The following CHST8 variants were observed in gnomAD, a reference collection of about 807,000 sequenced individuals.
CHST8 encodes the protein carbohydrate sulfotransferase 8.
A neutral mutation model predicts 15.0 loss-of-function variants in CHST8; 10 were observed. The ratio of observed to expected loss-of-function variants is 0.67; its 90% confidence interval spans 0.41 to 1.13. The LOEUF (loss-of-function observed/expected upper bound fraction) is 1.13. Among genes scored for constraint, CHST8 ranks in the 50% most tolerant of loss-of-function variants. The probability of loss-of-function intolerance (pLI) is 0.00; values close to 1 mark genes in which losing one functional copy is unlikely to be tolerated. For synonymous variants in CHST8, 259 were observed against 256.6 expected, an observed-to-expected ratio of 1.01 and a Z score of -0.09; for missense variants, 634 against 608.2, an observed-to-expected ratio of 1.04 and a Z score of -0.45.
At chr19:33,662,902 C>T (rs921822958) in intron 1 of CHST8, among the ~76,000 whole-genome samples, 26 of 152,152 alleles carry the variant, frequency 1.7e-4, no homozygotes, top group African/African-American at 5.8e-4. Flanking sequence ...TTTTAAAAGT[C>T]AAGCTTCTGA....
chr19:33,739,316 C>T (rs1369756895), intron 3 of CHST8, among the ~76,000 whole-genome samples: 1 of 152,160 alleles, frequency 6.6e-6, no homozygotes, highest in Non-Finnish European at 1.5e-5. Context: ...TAGCTCCACT[C>T]CCCCAGCACA....
intron 1 of CHST8, among the ~76,000 whole-genome samples, chr19:33,637,951 AG>A (rs1259009718): frequency 1.3e-5 from 2 of 151,614 alleles, no homozygotes; most frequent in Non-Finnish European, 2.9e-5. Flanking sequence ...CCTTCCTAAC[AG>A]ATTCTCCAAG....
intron 3 of CHST8, among the ~76,000 whole-genome samples, chr19:33,720,735 G>A (rs1037063499): frequency 1.3e-5 from 2 of 152,276 alleles, no homozygotes; most frequent in Non-Finnish European, 2.9e-5. Flanking sequence ...GCAGGCAGTG[G>A]TATGCAGTGT....
chr19:33,712,687 C>T (rs998859551), intron 3 of CHST8, among the ~76,000 whole-genome samples: 9 of 152,156 alleles, frequency 5.9e-5, no homozygotes, highest in African/African-American at 1.4e-4. Context: ...TGCACTGCAG[C>T]GGCAGACTGT....
intron 1 of CHST8, among the ~76,000 whole-genome samples, chr19:33,641,442 G>A (rs1027197034): frequency 6.6e-6 from 1 of 152,192 alleles, no homozygotes; most frequent in Non-Finnish European, 1.5e-5. Flanking sequence ...AGGAGCAGCA[G>A]GGTTAAGGGC....
intron 3 of CHST8, among the ~76,000 whole-genome samples, chr19:33,740,118 A>G (rs1162914156): frequency 6.6e-6 from 1 of 152,204 alleles, no homozygotes; most frequent in Non-Finnish European, 1.5e-5. Flanking sequence ...TGCAAATACG[A>G]GGCTATGCTA....
intron 2 of CHST8, among the ~76,000 whole-genome samples, chr19:33,681,462 G>A (rs1032239114): frequency 2.0e-5 from 3 of 152,168 alleles, no homozygotes; most frequent in Non-Finnish European, 4.4e-5. Flanking sequence ...TTCCTAGAGT[G>A]TAGAACTCTG....
intron 3 of CHST8, among the ~76,000 whole-genome samples, chr19:33,714,122 C>G (rs1023086935): frequency 1.3e-5 from 2 of 152,108 alleles, no homozygotes; most frequent in African/African-American, 4.8e-5. Context: ...GTAAAACTAC[C>G]ATTTGATCCC....
intron 1 of CHST8, among the ~76,000 whole-genome samples, chr19:33,664,110 G>T (rs1352663892): frequency 1.3e-5 from 2 of 152,070 alleles, no homozygotes; most frequent in African/African-American, 4.8e-5. Flanking sequence ...GTTCGGAGTG[G>T]ACTGGATTGG....
chr19:33,707,265 G>A (rs1331280556), intron 3 of CHST8, among the ~76,000 whole-genome samples: 1 of 152,130 alleles, frequency 6.6e-6, no homozygotes, highest in Non-Finnish European at 1.5e-5. Context: ...TGTTGCCCAG[G>A]CTAGTCTTGA....
At chr19:33,762,697 G>T (rs1473380370) in intron 3 of CHST8, among the ~76,000 whole-genome samples, 8 of 152,176 alleles carry the variant, frequency 5.3e-5, no homozygotes, top group Admixed American at 5.2e-4. Flanking sequence ...GCTCTGCCCC[G>T]CTTTGTGTCC....
chr19:33,710,232 T>G (rs1973522351), intron 3 of CHST8, among the ~76,000 whole-genome samples: 1 of 152,224 alleles, frequency 6.6e-6, no homozygotes, highest in Non-Finnish European at 1.5e-5. Flanking sequence ...TCTGTTTTCT[T>G]TCAAAGTCTA....
At position 33,659,059 on chromosome 19, in the gene CHST8, CTT is replaced by C. The variant is rs71181374; in HGVS notation, c.-163-8686_-163-8685del. Among the ~76,000 whole-genome samples, 482 of 78,774 alleles carry C rather than the reference CTT, an allele frequency of 6.1e-3. 4 individuals carry two copies. The highest frequency in any genetic ancestry group is 0.025 in the African/African-American group (471 of 18,640). 51.7% of individuals were successfully genotyped at this position (78,774 alleles called of 152,430 possible). ...TTATTGTTTCATGGTTAGGTAATGACTTTTTTTTTTTTTTTTTTTTTTTGAGA... is the reference window on the plus strand; with the variant it reads ...TTATTGTTTCATGGTTAGGTAATGACTTTTTTTTTTTTTTTTTTTTTGAGA... On this transcript the variant is annotated intron_variant, in intron 1 of 4. Coordinates refer to ENST00000650847, the MANE Select transcript of CHST8 (RefSeq NM_001127895.2).
chr19:33,757,456 A>C (rs375262160), intron 3 of CHST8, among the ~76,000 whole-genome samples: 1 of 35,760 alleles, frequency 2.8e-5, no homozygotes, highest in East Asian at 4.9e-4. Context: ...GAAAGAAAGA[A>C]AGAAAGAAAG....
intron 1 of CHST8, among the ~76,000 whole-genome samples, chr19:33,636,582 C>T (rs926845108): frequency 7.2e-5 from 11 of 152,126 alleles, no homozygotes; most frequent in Middle Eastern, 3.2e-3. Flanking sequence ...CGGGCAAGTA[C>T]ATACCGTAAA....
chr19:33,743,695 C>T (rs760239250), intron 3 of CHST8, among the ~76,000 whole-genome samples: 3 of 152,186 alleles, frequency 2.0e-5, no homozygotes, highest in Non-Finnish European at 4.4e-5. Context: ...TGCATCGTCT[C>T]CTGGGGTCGT....
intron 3 of CHST8, among the ~76,000 whole-genome samples, chr19:33,737,983 CTG>C (rs753269674): frequency 1.3e-5 from 2 of 152,068 alleles, no homozygotes; most frequent in Non-Finnish European, 1.5e-5. Context: ...AAAAAAAAAA[CTG>C]TAGCTGAGAA....
chr19:33,716,655 A>T (rs1443677961), intron 3 of CHST8, among the ~76,000 whole-genome samples: 72 of 152,304 alleles, frequency 4.7e-4, no homozygotes, highest in Non-Finnish European at 7.4e-5. Context: ...GATGTGAGCC[A>T]CCACACCCAG....
intron 2 of CHST8, among the ~76,000 whole-genome samples, chr19:33,682,273 A>G (rs531612470): frequency 6.9e-6 from 1 of 145,312 alleles, no homozygotes; most frequent in Admixed American, 7.0e-5. Context: ...GCTCACTGCA[A>G]CCTCTGCCTC....
Sources: gnomAD v4.1 joint callset for allele counts (sites outside exome capture counted in the v4.1 genomes callset) on GRCh38, gnomAD v4.1.1 for gene constraint, MANE v1.5 for transcripts, NCBI Gene and HGNC (gene_info 2026-07-23, HGNC 2026-07-21) for gene names.